NCKAP5: variants seen among roughly 807,000 people sequenced by gnomAD.
NCKAP5 encodes nck-associated protein 5.
A neutral mutation model predicts 167.0 loss-of-function variants in NCKAP5; 92 were observed. The ratio of observed to expected loss-of-function variants is 0.55; its 90% CI spans 0.47 to 0.66. The LOEUF (loss-of-function observed/expected upper bound fraction) is 0.66. Ranked by LOEUF, NCKAP5 falls within the 30% of genes least tolerant of loss-of-function variation. NCKAP5 has a pLI of 0.00. For synonymous variants in NCKAP5, 891 were observed against 877.4 expected, an observed-to-expected ratio of 1.02 and a Z score of -0.27; for missense variants, 2,378 against 2,315.0, an observed-to-expected ratio of 1.03 and a Z score of -0.56.
chr2:132,678,995 G>T (rs1192410111), intron 19 of NCKAP5, among the ~76,000 whole-genome samples: 1 of 152,018 alleles, frequency 6.6e-6, no homozygotes, highest in Non-Finnish European at 1.5e-5. Context: ...TCTATTATTG[G>T]AATTTGAGGT....
At chr2:133,133,559 C>T (rs1454358623) in intron 5 of NCKAP5, among the ~76,000 whole-genome samples, 1 of 152,162 alleles carries the variant, frequency 6.6e-6, no homozygotes, top group Admixed American at 6.5e-5. Flanking sequence ...GCTCTTCTTT[C>T]CCTTTACAGA....
chr2:132,712,605 T>C (rs1291966384), intron 19 of NCKAP5, among the ~76,000 whole-genome samples: 2 of 151,982 alleles, frequency 1.3e-5, no homozygotes, highest in South Asian at 2.1e-4. Flanking sequence ...TGAGCAGAGA[T>C]TGTGCCACTG....
intron 8 of NCKAP5, among the ~76,000 whole-genome samples, chr2:132,893,880 TCACA>T (rs928998492): frequency 6.6e-6 from 1 of 151,824 alleles, no homozygotes; most frequent in Non-Finnish European, 1.5e-5. Flanking sequence ...TAAACATATT[TCACA>T]CACACACACA....
In NCKAP5 at chr2:132,782,908, G is replaced by A; in HGVS notation, c.3903C>T (p.Ile1301=). The change falls in exon 14 of 20, where the codon ATC becomes ATT. Residue 1301 remains isoleucine (I), a synonymous_variant. Coordinates refer to ENST00000409261, the MANE Select transcript of NCKAP5 (RefSeq NM_207363.3). The part of the protein sequence containing the change: ...IEGSGKVRTQ[I]ITNTAERGNS... ...TGCCTCTCTCGGCGGTATTGGTAAT[G>A]ATCTGAGTGCGGACTTTGCCTGACC... The A allele has an allele frequency of 1.9e-6, 3 of 1,614,022 alleles. No homozygotes were observed. The highest frequency in any genetic ancestry group is 2.5e-6 in the Non-Finnish European group (3 of 1,179,896).
intron 3 of NCKAP5, among the ~76,000 whole-genome samples, chr2:133,477,942 A>C (rs555501051): frequency 6.6e-6 from 1 of 152,302 alleles, no homozygotes; most frequent in South Asian, 2.1e-4. Flanking sequence ...TACTATTTTC[A>C]GACCATGGTT....
At chr2:132,776,918 A>G (rs1421655747) in intron 15 of NCKAP5, among the ~76,000 whole-genome samples, 2 of 152,304 alleles carry the variant, frequency 1.3e-5, no homozygotes, top group Non-Finnish European at 2.9e-5. Context: ...GACAGTCTCC[A>G]TGTGGGAAAG....
At chr2:132,951,747 T>C (rs2076195129) in intron 8 of NCKAP5, among the ~76,000 whole-genome samples, 1 of 152,178 alleles carries the variant, frequency 6.6e-6, no homozygotes, top group Non-Finnish European at 1.5e-5. Context: ...CCACAATTTT[T>C]CCCCCAAGGC....
intron 3 of NCKAP5, among the ~76,000 whole-genome samples, chr2:133,330,564 C>T (rs983935990): frequency 2.0e-5 from 3 of 151,908 alleles, no homozygotes; most frequent in African/African-American, 7.3e-5. Flanking sequence ...TGATATGTAA[C>T]TTTCTGCATC....
intron 3 of NCKAP5, among the ~76,000 whole-genome samples, chr2:133,503,147 C>T (rs543284638): frequency 1.2e-4 from 19 of 152,336 alleles, no homozygotes; most frequent in African/African-American, 4.3e-4. Flanking sequence ...CCCAGTCCCA[C>T]CAGCAACAAC....
chr2:133,480,740 T>G (rs1680349068), intron 3 of NCKAP5, among the ~76,000 whole-genome samples: 1 of 152,194 alleles, frequency 6.6e-6, no homozygotes, highest in Admixed American at 6.5e-5. Flanking sequence ...CTTGCTCATC[T>G]CCTACTCCTA....
At chr2:132,965,236 G>T (rs1029042748) in intron 7 of NCKAP5, among the ~76,000 whole-genome samples, 32 of 152,152 alleles carry the variant, frequency 2.1e-4, no homozygotes, top group African/African-American at 7.5e-4. Context: ...CCATGTGCAG[G>T]TGTGAGTTCA....
chr2:133,341,022 G>A (rs1407382586), intron 3 of NCKAP5, among the ~76,000 whole-genome samples: 1 of 152,012 alleles, frequency 6.6e-6, no homozygotes, highest in African/African-American at 2.4e-5. Context: ...TTTTCAATCA[G>A]ATTATAATAT....
chr2:132,991,701 T>C lies in NCKAP5; in HGVS notation c.429+2451A>G, dbSNP rs564391252. ...AGTGGAAAATGAAAGTAACTCCAGC[T>C]TTCCCAGGGGCCTAAGCTTTACGTG... On this transcript the variant is annotated intron_variant, in intron 7 of 19. Coordinates refer to ENST00000409261, the MANE Select transcript of NCKAP5 (RefSeq NM_207363.3). Among the ~76,000 whole-genome samples the C allele has an allele frequency of 2.6e-5, 4 of 152,272 alleles. No individual in the cohort carries two copies. In the East Asian group the frequency reaches 7.7e-4, roughly 29 times the overall value.
intron 3 of NCKAP5, among the ~76,000 whole-genome samples, chr2:133,333,279 C>T (rs113634029): frequency 1.2e-4 from 19 of 152,182 alleles, no homozygotes; most frequent in African/African-American, 4.6e-4. Flanking sequence ...TACTTTTCTC[C>T]CTCTTTTTTA....
the NCKAP5 span, among the ~76,000 whole-genome samples, chr2:133,608,282 T>C: frequency 1.3e-5 from 2 of 152,232 alleles, no homozygotes; most frequent in Non-Finnish European, 2.9e-5. Context: ...TTTCACACTT[T>C]CTCAAATGGT....
chr2:133,624,348 G>A, the NCKAP5 span, among the ~76,000 whole-genome samples: 19 of 151,952 alleles, frequency 1.3e-4, no homozygotes, highest in African/African-American at 4.3e-4. Flanking sequence ...ATTGAGCCAC[G>A]GTCACTCCAC....
intron 11 of NCKAP5, among the ~76,000 whole-genome samples, chr2:132,834,630 C>G (rs527760493): frequency 5.6e-4 from 85 of 152,224 alleles, no homozygotes; most frequent in African/African-American, 2.0e-3. Context: ...CAGGCGTGAG[C>G]CACCGCACCC....
At chr2:132,833,348 G>T (rs1687653064) in intron 11 of NCKAP5, among the ~76,000 whole-genome samples, 1 of 152,090 alleles carries the variant, frequency 6.6e-6, no homozygotes, top group Non-Finnish European at 1.5e-5. Flanking sequence ...TATTTCATTT[G>T]CTGTGCAGAA....
intron 4 of NCKAP5, among the ~76,000 whole-genome samples, chr2:133,251,119 A>C (rs1173153906): frequency 6.6e-6 from 1 of 152,188 alleles, no homozygotes; most frequent in African/African-American, 2.4e-5. Context: ...AAACACAAAG[A>C]AAAAATACAG....
Sources: allele counts gnomAD v4.1 joint callset (sites outside exome capture counted in the v4.1 genomes callset), GRCh38; gene constraint gnomAD v4.1.1; transcripts MANE v1.5; gene names NCBI Gene and HGNC (gene_info 2026-07-23, HGNC 2026-07-21).